USP49: variants seen among roughly 807,000 people sequenced by gnomAD.
USP49 encodes the protein ubiquitin specific peptidase 49, also known as ubiquitin carboxyl-terminal hydrolase 49.
USP49 carries 24 observed loss-of-function variants against 58.6 expected under a neutral mutation model. The observed-to-expected ratio is 0.41, with a 90% CI of 0.30 to 0.58. The LOEUF is 0.58. USP49 is among the 20% of genes least tolerant of loss of function. USP49 has a pLI of 0.30. For synonymous variants in USP49, 408 were observed against 365.1 expected (o/e 1.12, Z -1.34); for missense variants, 703 against 866.1 (o/e 0.81, Z 2.36).
At chr6:41,854,000 G>GGAAA (rs1774080406) in intron 3 of USP49, among the ~76,000 whole-genome samples, 2 of 113,174 alleles carry the variant, frequency 1.8e-5, no homozygotes, top group Non-Finnish European at 3.5e-5. Context: ...ACTCTGTCTC[G>GGAAA]AAAAAAAAAA....
intron 3 of USP49, among the ~76,000 whole-genome samples, chr6:41,838,954 C>T (rs1298395281): frequency 2.0e-5 from 3 of 152,122 alleles, no homozygotes; most frequent in African/African-American, 7.2e-5. Context: ...ATTAAATAAT[C>T]TGGTCTTGAA....
At chr6:41,808,566 C>T (rs1561905591) in intron 3 of USP49, among the ~76,000 whole-genome samples, 1 of 152,054 alleles carries the variant, frequency 6.6e-6, no homozygotes, top group Non-Finnish European at 1.5e-5. Flanking sequence ...TGCGCCACCA[C>T]GCCCAGCTAA....
chr6:41,862,314 C>T (rs191433680), intron 3 of USP49, among the ~76,000 whole-genome samples: 1 of 152,318 alleles, frequency 6.6e-6, no homozygotes, highest in East Asian at 1.9e-4. Flanking sequence ...TTTGAGAATG[C>T]ATTTCCCTAA....
At chr6:41,825,197 T>A (rs1289794024) in intron 3 of USP49, among the ~76,000 whole-genome samples, 3 of 152,180 alleles carry the variant, frequency 2.0e-5, no homozygotes, top group African/African-American at 7.2e-5. Flanking sequence ...AAAGTCCCTA[T>A]TAAAGGCAAA....
At chr6:41,802,456 A>ATTTTTTTTTTTTTTTT (rs1186521851) in intron 5 of USP49, among the ~76,000 whole-genome samples, 3 of 70,280 alleles carry the variant, frequency 4.3e-5, no homozygotes, top group African/African-American at 1.8e-4. Context: ...TTATTTATTT[A>ATTTTTTTTTTTTTTTT]TTTATTTATT....
At chr6:41,855,523 CAA>C (rs1451140569) in intron 3 of USP49, among the ~76,000 whole-genome samples, 5 of 152,028 alleles carry the variant, frequency 3.3e-5, no homozygotes, top group East Asian at 3.9e-4. Flanking sequence ...TCAAAAAAAC[CAA>C]ACAGACAAAC....
At chr6:41,808,693 A>G (rs112262841) in intron 3 of USP49, among the ~76,000 whole-genome samples, 2,557 of 152,074 alleles carry the variant, frequency 0.017, 57 homozygotes, top group African/African-American at 0.051. Flanking sequence ...TATAGGTGTG[A>G]GCCAACACGC....
intron 1 of USP49, among the ~76,000 whole-genome samples, 189 bp from the exon 2 acceptor site, chr6:41,892,064 A>C (rs1774818614): frequency 6.6e-6 from 1 of 152,224 alleles, no homozygotes; most frequent in African/African-American, 2.4e-5. Context: ...AAATAGTATT[A>C]TCTCAATTTT....
intron 3 of USP49, among the ~76,000 whole-genome samples, chr6:41,863,499 C>T (rs564648195): frequency 3.3e-5 from 5 of 152,294 alleles, no homozygotes; most frequent in South Asian, 2.1e-4. Context: ...AGTATTATCA[C>T]GGGTATTAAA....
At chr6:41,799,062 G>A (rs560171890) in intron 6 of USP49, 133 bp from the exon 7 acceptor site, 3 of 1,030,418 alleles carry the variant, frequency 2.9e-6, no homozygotes, top group African/African-American at 3.3e-5. Flanking sequence ...ATAAAATGGT[G>A]GTAATCAATG....
At chr6:41,852,670 G>C (rs187824415) in intron 3 of USP49, among the ~76,000 whole-genome samples, 1 of 152,202 alleles carries the variant, frequency 6.6e-6, no homozygotes, top group Non-Finnish European at 1.5e-5. Flanking sequence ...ATACAGATTC[G>C]ATGCAAGCCC....
intron 3 of USP49, among the ~76,000 whole-genome samples, chr6:41,850,546 AAG>A (rs1465606567): frequency 7.2e-5 from 11 of 152,060 alleles, no homozygotes; most frequent in African/African-American, 2.4e-4. Context: ...AAAGGATTAT[AAG>A]AGACTACTAT....
Position 41,852,475 on chromosome 6 carries a change from T to A in USP49, c.-29+19089A>T, listed in dbSNP as rs552789029. On this transcript the variant is annotated intron_variant, in intron 3 of 7. Transcript: ENST00000682992. ...ATGAACAATTCAAAAGGAAATTTTT[T>A]AAAATCTCATTAATAACAGCATAAA... Among the ~76,000 whole-genome samples, 20 of 152,326 alleles carry A rather than the reference T, an allele frequency of 1.3e-4. No homozygotes were observed. The East Asian group carries it at 1.7e-3, about 13-fold the overall frequency.
chr6:41,816,466 ATC>A (rs1388586813), intron 3 of USP49, among the ~76,000 whole-genome samples: 2 of 152,210 alleles, frequency 1.3e-5, no homozygotes, highest in African/African-American at 4.8e-5. Flanking sequence ...CTGTAATTAC[ATC>A]TCTGTTTTCA....
At position 41,851,250 on chromosome 6, in the gene USP49, G is replaced by A. The variant is rs368836478; in HGVS notation, c.-29+20314C>T. 5.3e-5 allele frequency among the ~76,000 whole-genome samples: 8 copies of A among 152,208 alleles called. No homozygotes were observed. The South Asian group carries it at 1.7e-3, about 32-fold the overall frequency. The stretch of plus-strand genomic sequence containing the variant: ...AGGTAAAAACCCTCAACAAAATACT[G>A]GAAAATTCAGTAGCATGTTAAAAGA... On this transcript the variant is annotated intron_variant, in intron 3 of 7. Coordinates refer to ENST00000682992, the MANE Select transcript of USP49 (RefSeq NM_001286554.2).
Position 41,847,622 on chromosome 6 carries a change from G to C in USP49, c.-29+23942C>G, listed in dbSNP as rs374474992. 5.2e-4 allele frequency among the ~76,000 whole-genome samples: 79 copies of C among 152,220 alleles called. 1 individual carries two copies. In the South Asian group the frequency reaches 0.016, roughly 32 times the overall value. ...CCAGCTACTCAGGAGGCTGAGGCAG[G>C]AGGATCACTTGAACCCAGGAGGCGG... On this transcript the variant is annotated intron_variant, in intron 3 of 7. Transcript: ENST00000682992.
intron 2 of USP49, among the ~76,000 whole-genome samples, chr6:41,889,544 A>G (rs2127366789): frequency 1.3e-5 from 2 of 152,276 alleles, no homozygotes; most frequent in South Asian, 4.2e-4. Flanking sequence ...ACCATGCCAC[A>G]TGCTAGGGAG....
intron 3 of USP49, among the ~76,000 whole-genome samples, chr6:41,829,642 CAT>C (rs981603267): frequency 6.6e-6 from 1 of 152,158 alleles, no homozygotes; most frequent in African/African-American, 2.4e-5. Flanking sequence ...TGGATGTCTA[CAT>C]AGTCTTCAAA....
At chr6:41,887,531 G>A (rs763123590) in intron 2 of USP49, among the ~76,000 whole-genome samples, 15 of 152,224 alleles carry the variant, frequency 9.9e-5, no homozygotes, top group South Asian at 2.1e-4. Flanking sequence ...TCTAGGTTAC[G>A]GAGGTCATAA....
Sources: gnomAD v4.1 joint callset for allele counts (sites outside exome capture counted in the v4.1 genomes callset) on GRCh38, gnomAD v4.1.1 for gene constraint, MANE v1.5 for transcripts, NCBI Gene and HGNC (gene_info 2026-07-23, HGNC 2026-07-21) for gene names.